Variants in ARID1B observed in about 807,000 individuals in gnomAD.
The protein encoded by ARID1B is AT-rich interaction domain 1B.
Under a neutral mutation model 212.3 loss-of-function variants are expected in ARID1B, and 30 were observed. That is an observed-to-expected ratio of 0.14 (90% CI 0.11 to 0.19). The LOEUF is 0.19. Ranked by LOEUF, ARID1B falls within the 10% of genes least tolerant of loss-of-function variation. The probability of loss-of-function intolerance (pLI) is 1.00; values close to 1 mark genes in which losing one functional copy is unlikely to be tolerated. For synonymous variants in ARID1B, 1,402 were observed against 1,301.7 expected (o/e 1.08, Z -1.66); for missense variants, 2,891 against 3,204.0 (o/e 0.90, Z 2.36).
chr6:157,076,556 G>A (rs887423835), intron 4 of ARID1B, among the ~76,000 whole-genome samples: 3 of 138,230 alleles, frequency 2.2e-5, no homozygotes, highest in Non-Finnish European at 3.3e-5. Context: ...CCTTTTTATT[G>A]TGTTATTTTT....
At chr6:157,205,556 T>A (rs928316271) in intron 19 of ARID1B, 9 of 152,258 alleles carry the variant, frequency 5.9e-5, no homozygotes, top group Non-Finnish European at 8.8e-5. Context: ...TTAATTTATT[T>A]ATCATAGGCT....
At chr6:156,913,217 C>CTTTTTT (rs372967890) in intron 3 of ARID1B, among the ~76,000 whole-genome samples, 31 of 128,992 alleles carry the variant, frequency 2.4e-4, no homozygotes, top group South Asian at 4.9e-4. Context: ...TTTTCTTTTT[C>CTTTTTT]TTTTTTTTTT....
chr6:156,805,106 G>C (rs1390083058), intron 1 of ARID1B, among the ~76,000 whole-genome samples: 1 of 152,166 alleles, frequency 6.6e-6, no homozygotes, highest in Admixed American at 6.5e-5. Flanking sequence ...CTATGCATTT[G>C]TTTGCTTATA....
chr6:157,131,500 G>T (rs901108039), intron 6 of ARID1B, among the ~76,000 whole-genome samples: 2 of 152,058 alleles, frequency 1.3e-5, no homozygotes, highest in African/African-American at 4.8e-5. Context: ...GGGGAGAGAG[G>T]CTTTGCTGAG....
intron 4 of ARID1B, among the ~76,000 whole-genome samples, chr6:157,025,805 A>G (rs1780620296): frequency 6.6e-6 from 1 of 152,136 alleles, no homozygotes; most frequent in Admixed American, 6.5e-5. Context: ...ATATATTTTC[A>G]TTGCTCTTGG....
At chr6:157,084,633 C>G in intron 4 of ARID1B, 29 bp from the exon 5 acceptor site, 2 of 1,609,072 alleles carry the variant, frequency 1.2e-6, no homozygotes, top group Admixed American at 3.4e-5. Flanking sequence ...AAACGTGTCA[C>G]TCTATAAATA....
At chr6:157,091,978 G>C (rs1186669901) in intron 5 of ARID1B, among the ~76,000 whole-genome samples, 2 of 152,094 alleles carry the variant, frequency 1.3e-5, no homozygotes, top group Non-Finnish European at 2.9e-5. Context: ...CACTGGAGGT[G>C]GAAATCCTGC....
chr6:156,942,237 T>G (rs1562499545), intron 4 of ARID1B: 1 of 152,206 alleles, frequency 6.6e-6, no homozygotes, highest in Non-Finnish European at 1.5e-5. Flanking sequence ...TTGGTTTTGA[T>G]AATAGAAGGA....
intron 6 of ARID1B, among the ~76,000 whole-genome samples, chr6:157,113,290 G>GTGATC (rs751904418): frequency 5.3e-5 from 8 of 152,200 alleles, no homozygotes; most frequent in Non-Finnish European, 1.2e-4. Context: ...TTTTATGAAT[G>GTGATC]TGATCTCTAA....
chr6:157,175,002 C>A lies in ARID1B; in HGVS notation c.3501C>A (p.Ser1167Arg). The stretch of plus-strand genomic sequence containing the variant: ...CAGGCTGGCCAAAGACTCCATCAAG[C>A]CCTGTAAGTGGCTCTGGTTTTTTTT... ...SSPGWPKTPS[S>R]PKSSSSTTTG... The change falls in exon 11 of 20, where the codon AGC (serine) becomes AGA (arginine). Residue 1167 changes from serine (S) to arginine (R), a missense_variant. Transcript: ENST00000636930. The A allele has an allele frequency of 7.1e-7, 1 of 1,405,970 alleles. No individual in the cohort carries two copies. The highest frequency in any genetic ancestry group is 9.3e-7 in the Non-Finnish European group (1 of 1,074,540). 87.1% of individuals were successfully genotyped at this position (1,405,970 alleles called of 1,614,324 possible). A position where few individuals can be genotyped will look rare whatever the true frequency, so the allele number is the denominator to read the frequency against.
At chr6:157,063,563 G>C (rs1317372914) in intron 4 of ARID1B, among the ~76,000 whole-genome samples, 2 of 152,068 alleles carry the variant, frequency 1.3e-5, no homozygotes, top group African/African-American at 2.4e-5. Context: ...TATACCATAA[G>C]AATTGAGTGT....
intron 2 of ARID1B, among the ~76,000 whole-genome samples, chr6:156,856,469 C>T (rs1784938084): frequency 6.6e-6 from 1 of 152,086 alleles, no homozygotes; most frequent in African/African-American, 2.4e-5. Flanking sequence ...AAAACTAAGG[C>T]ATGGAGAGAT....
chr6:156,847,847 T>G (rs1230448571), intron 2 of ARID1B, among the ~76,000 whole-genome samples: 1 of 152,182 alleles, frequency 6.6e-6, no homozygotes, highest in East Asian at 1.9e-4. Flanking sequence ...TGGCTTGCTC[T>G]CCAGGAGTCA....
At chr6:157,090,510 G>C (rs1219639611) in intron 5 of ARID1B, among the ~76,000 whole-genome samples, 1 of 152,130 alleles carries the variant, frequency 6.6e-6, no homozygotes, top group African/African-American at 2.4e-5. Flanking sequence ...ACAAAATTAG[G>C]TCTTCACGCT....
intron 2 of ARID1B, among the ~76,000 whole-genome samples, chr6:156,899,811 C>T (rs992007320): frequency 9.2e-5 from 14 of 152,130 alleles, no homozygotes; most frequent in African/African-American, 2.7e-4. Flanking sequence ...CATATTAAAG[C>T]GCAATTCATA....
chr6:157,020,819 A>G (rs2128472403), intron 4 of ARID1B, among the ~76,000 whole-genome samples: 1 of 152,334 alleles, frequency 6.6e-6, no homozygotes, highest in Admixed American at 6.5e-5. Flanking sequence ...ACGTGAGTTT[A>G]TGCTGTACGT....
intron 8 of ARID1B, among the ~76,000 whole-genome samples, chr6:157,158,808 G>A (rs796794074): frequency 1.1e-4 from 17 of 152,286 alleles, no homozygotes; most frequent in African/African-American, 4.1e-4. Context: ...GGAAATAACA[G>A]AGATCTTTTC....
intron 4 of ARID1B, among the ~76,000 whole-genome samples, chr6:157,048,911 C>T (rs985180099): frequency 9.2e-5 from 14 of 152,160 alleles, no homozygotes; most frequent in African/African-American, 2.4e-4. Context: ...CAGTGGCTCA[C>T]GCCTGTAATC....
intron 4 of ARID1B, chr6:156,985,439 T>A (rs1446878625): frequency 6.6e-6 from 1 of 152,238 alleles, no homozygotes; most frequent in African/African-American, 2.4e-5. Flanking sequence ...TAAAAGTAAA[T>A]CTTTAAACTC....
Sources: allele counts gnomAD v4.1 joint callset (sites outside exome capture counted in the v4.1 genomes callset), GRCh38; gene constraint gnomAD v4.1.1; transcripts MANE v1.5; gene names NCBI Gene and HGNC (gene_info 2026-07-23, HGNC 2026-07-21).